DYNC1H1: variants seen among roughly 807,000 people sequenced by gnomAD.
DYNC1H1 encodes cytoplasmic dynein 1 heavy chain 1.
A neutral mutation model predicts 527.1 loss-of-function variants in DYNC1H1; 51 were observed. The observed-to-expected ratio is 0.10, with a 90% CI of 0.08 to 0.12. DYNC1H1 has a LOEUF of 0.12. DYNC1H1 is among the 10% of genes least tolerant of loss of function. The pLI, the probability that DYNC1H1 is intolerant of heterozygous loss-of-function variation, is 1.00. For synonymous variants in DYNC1H1, 2,189 were observed against 2,278.8 expected (o/e 0.96, Z 1.12); for missense variants, 2,771 against 5,971.8 (o/e 0.46, Z 17.66).
intron 51 of DYNC1H1, 60 bp downstream of exon 51, chr14:102,030,342 G>A: frequency 6.2e-7 from 1 of 1,612,822 alleles, no homozygotes; most frequent in Non-Finnish European, 8.5e-7. Context: ...CAACATTACT[G>A]TGGAGTTCAG....
chr14:102,014,876 C>A (rs1252134460), intron 34 of DYNC1H1, among the ~76,000 whole-genome samples: 2 of 152,074 alleles, frequency 1.3e-5, no homozygotes, highest in Non-Finnish European at 2.9e-5. Flanking sequence ...AGTGCAGTGG[C>A]ATGATCTCAG....
rs2048132681 is a variant in DYNC1H1, at chr14:102,001,712, AC to A, written c.4542+33del. 1 of 1,613,212 alleles carries A rather than the reference AC, an allele frequency of 6.2e-7. No individual in the cohort carries two copies. Among genetic ancestry groups the A allele is most frequent in the Non-Finnish European group, 8.5e-7 (1 of 1,179,960 alleles). On this transcript the variant is annotated intron_variant, in intron 21 of 77. Transcript: ENST00000360184. The surrounding 1 kb of genome is among the most constrained non-coding windows in gnomAD (Gnocchi z 5.0). ...GTTGCTGGGGAAGCTTTCCCTCCCC[AC>A]CAGTGGTCTCCCACGCTTTCACTGT...
chr14:101,997,360 T>C lies in DYNC1H1; in HGVS notation c.3804+86T>C. 1 of 1,601,948 alleles carries C rather than the reference T, an allele frequency of 6.2e-7. No homozygotes were observed. Among genetic ancestry groups the C allele is most frequent in the Non-Finnish European group, 8.5e-7 (1 of 1,174,976 alleles). ...TTCTTTCAAGCCTAAAAGGCCTTGC[T>C]GTGACTGAGCTTTCTAGTATTGAAG... On this transcript the variant is annotated intron_variant, in intron 16 of 77. Transcript: ENST00000360184. This position sits in a 1 kb window ranked among gnomAD's most constrained non-coding sequence, Gnocchi z 4.8.
rs2048853922 is a variant in DYNC1H1, at chr14:102,054,361, A to G, written c.*3798A>G. The G allele has an allele frequency of 6.6e-6, 1 of 152,124 alleles. No individual in the cohort carries two copies. Among genetic ancestry groups the G allele is most frequent in the African/African-American group, 2.4e-5 (1 of 41,412 alleles). 9.4% of individuals were successfully genotyped at this position (152,124 alleles called of 1,614,324 possible). ...CTGAAGGGCGTTCTGGGGAGCCTCC[A>G]CCTTCACACCGAAGGCCGCCAAGGT... is the stretch of plus-strand genomic sequence containing the variant. On this transcript the variant is annotated 3_prime_UTR_variant, in exon 78 of 78. Coordinates refer to ENST00000360184, the MANE Select transcript of DYNC1H1 (RefSeq NM_001376.5).
At chr14:102,014,989 T>C in intron 34 of DYNC1H1, 116 bp from the exon 35 acceptor site, 1 of 1,212,688 alleles carries the variant, frequency 8.2e-7, no homozygotes, top group Admixed American at 2.0e-5. Flanking sequence ...CTACTTTCTG[T>C]ATAGGAAAAT....
At position 102,029,562 on chromosome 14, in the gene DYNC1H1, A is replaced by C. The variant is rs752685919; in HGVS notation, c.9492A>C (p.Arg3164=). Residue 3164 remains arginine (R), a synonymous_variant, in exon 49 of 78, where the codon CGA becomes CGC. Coordinates refer to ENST00000360184, the MANE Select transcript of DYNC1H1 (RefSeq NM_001376.5). The surrounding 1 kb of genome is among the most constrained non-coding windows in gnomAD (Gnocchi z 5.3). The part of the protein sequence containing the change: ...LHQANARLAK[R]GGRTMAITPR... ...AGGCGAATGCTCGGCTAGCAAAGCG[A>C]GGCGGCAGAACGATGGCCATCACCC... 6.2e-7 allele frequency: 1 copy of C among 1,614,230 alleles called. No homozygotes were observed. The highest frequency in any genetic ancestry group is 2.2e-5 in the East Asian group (1 of 44,884).
intron 16 of DYNC1H1, 124 bp from the exon 17 acceptor site, chr14:101,999,865 A>C: frequency 7.6e-7 from 1 of 1,320,994 alleles, no homozygotes; most frequent in South Asian, 1.2e-5. Flanking sequence ...TTCCTTATGA[A>C]GATGTGTGCA....
In DYNC1H1 at chr14:102,018,673, T is replaced by C; in HGVS notation, c.8343+57T>C. On this transcript the variant is annotated intron_variant, in intron 41 of 77. Coordinates refer to ENST00000360184, the MANE Select transcript of DYNC1H1 (RefSeq NM_001376.5). This position sits in a 1 kb window ranked among gnomAD's most constrained non-coding sequence, Gnocchi z 5.2. ...TGTTTTCCTCTCATAATTAAGGCAC[T>C]CGATTGGTCAGGTGTGGTGGTTCAC... 1 of 1,595,584 alleles carries C rather than the reference T, an allele frequency of 6.3e-7. No homozygotes were observed. The highest frequency in any genetic ancestry group is 1.3e-5 in the African/African-American group (1 of 74,804).
Position 102,038,007 on chromosome 14 carries a change from GT to G in DYNC1H1, c.10909-449del, listed in dbSNP as rs1248805136. 3 of 313,040 alleles carry G rather than the reference GT, an allele frequency of 9.6e-6. No homozygotes were observed. The highest frequency in any genetic ancestry group is 6.2e-6 in the Non-Finnish European group (1 of 161,894). 19.4% of individuals were successfully genotyped at this position (313,040 alleles called of 1,614,324 possible). ...CATGGCTAGTGTGACTAGGAACTGA[GT>G]TTTAATTTTTTATTTTATGTTTTTT... is the stretch of plus-strand genomic sequence containing the variant. On this transcript the variant is annotated intron_variant, in intron 57 of 77. Coordinates refer to ENST00000360184, the MANE Select transcript of DYNC1H1 (RefSeq NM_001376.5). The surrounding 1 kb of genome is among the most constrained non-coding windows in gnomAD (Gnocchi z 7.2).
chr14:102,024,266 G>A (rs1267863424), intron 43 of DYNC1H1, among the ~76,000 whole-genome samples: 1 of 152,232 alleles, frequency 6.6e-6, no homozygotes, highest in East Asian at 1.9e-4. Context: ...GCTGTGAGTT[G>A]TCCTTTTTCT....
rs368250311 is a variant in DYNC1H1, at chr14:101,991,516, T to C, written c.2869-11T>C. 19 of 1,614,184 alleles carry C rather than the reference T, an allele frequency of 1.2e-5. No individual in the cohort carries two copies. The highest frequency in any genetic ancestry group is 1.6e-5 in the Non-Finnish European group (19 of 1,180,032). On this transcript the variant is annotated splice_polypyrimidine_tract_variant and intron_variant, in intron 10 of 77. Coordinates refer to ENST00000360184, the MANE Select transcript of DYNC1H1 (RefSeq NM_001376.5). ...AGATTGCTGAGTAGAAATGAAACCT[T>C]TCTTTCACAGAATGTCGTTCATGAG...
intron 44 of DYNC1H1, 138 bp downstream of exon 44, chr14:102,026,845 CTTCT>C (rs1444202981): frequency 2.9e-5 from 38 of 1,315,362 alleles, no homozygotes; most frequent in Admixed American, 4.0e-5. Flanking sequence ...TCCCCCTTCT[CTTCT>C]TTCTAAGTCC....
intron 72 of DYNC1H1, among the ~76,000 whole-genome samples, chr14:102,045,665 A>G (rs2048708790): frequency 6.6e-6 from 1 of 152,030 alleles, no homozygotes; most frequent in Non-Finnish European, 1.5e-5. Flanking sequence ...GTTGAAAAGT[A>G]CCTGATATTA....
At chr14:102,048,368 C>G (rs1437488037) in intron 73 of DYNC1H1, 148 bp from the exon 74 acceptor site, 3 of 1,136,062 alleles carry the variant, frequency 2.6e-6, no homozygotes, top group African/African-American at 3.1e-5. Flanking sequence ...AGCTCGGTTC[C>G]AAGTCACGCT....
chr14:102,043,253 C>T, intron 69 of DYNC1H1: 1 of 199,200 alleles, frequency 5.0e-6, no homozygotes, highest in South Asian at 8.2e-5. Flanking sequence ...CACTGCACTC[C>T]AGCCTGGGCG....
At position 102,044,897 on chromosome 14, in the gene DYNC1H1, G is replaced by A. The variant is rs1049207836; in HGVS notation, c.13006+199G>A. On this transcript the variant is annotated intron_variant, in intron 72 of 77. Coordinates refer to ENST00000360184, the MANE Select transcript of DYNC1H1 (RefSeq NM_001376.5). The surrounding 1 kb of genome is among the most constrained non-coding windows in gnomAD (Gnocchi z 7.1). Reference sequence around the variant, plus strand: ...GCTCCTAGCTCCACTCCGAGGGGAGGCAGAGGAAAGAACTGGCTCTTCTCT... The same window carrying A: ...GCTCCTAGCTCCACTCCGAGGGGAGACAGAGGAAAGAACTGGCTCTTCTCT... 8 of 627,758 alleles carry A rather than the reference G, an allele frequency of 1.3e-5. No homozygotes were observed. In the Admixed American group the frequency reaches 1.9e-4, roughly 15 times the overall value. 38.9% of individuals were successfully genotyped at this position (627,758 alleles called of 1,614,324 possible).
intron 34 of DYNC1H1, among the ~76,000 whole-genome samples, chr14:102,013,293 T>C (rs1016629046): frequency 6.7e-6 from 1 of 149,824 alleles, no homozygotes; most frequent in Admixed American, 6.7e-5. Flanking sequence ...CAAAAGCCCT[T>C]GCTCACGTGT....
rs538494719 is a variant in DYNC1H1, at chr14:102,048,323, C to G, written c.13219-193C>G. The G allele has an allele frequency of 5.8e-4, 476 of 816,998 alleles. 8 individuals are homozygous for G. The African/African-American group carries it at 7.3e-3, about 13-fold the overall frequency. The allele number at this position is 816,998 out of a possible 1,614,324, so 50.6% of individuals were successfully genotyped here. On this transcript the variant is annotated intron_variant, in intron 73 of 77. Transcript: ENST00000360184. ...CGAGAGCTGCGACTCGGGCAGGGGC[C>G]TCAGCGGGTTTCTGAGCAGCCTCAG...
chr14:101,985,657 A>T lies in DYNC1H1; in HGVS notation c.1462-30A>T. The stretch of plus-strand genomic sequence containing the variant: ...ATTTTAAAGCCTTCGTTTGGTCAGC[A>T]TTTCTTGATTACATATCTTTCTCCT... On this transcript the variant is annotated intron_variant, in intron 7 of 77. Coordinates refer to ENST00000360184, the MANE Select transcript of DYNC1H1 (RefSeq NM_001376.5). The surrounding 1 kb of genome is among the most constrained non-coding windows in gnomAD (Gnocchi z 5.9). 2 of 1,612,952 alleles carry T rather than the reference A, an allele frequency of 1.2e-6. No homozygotes were observed. Among genetic ancestry groups the T allele is most frequent in the South Asian group, 2.2e-5 (2 of 91,070 alleles).
Sources: gnomAD v4.1 joint callset for allele counts (sites outside exome capture counted in the v4.1 genomes callset) on GRCh38, gnomAD v4.1.1 for gene constraint, Gnocchi (gnomAD v3.1) non-coding constraint, MANE v1.5 for transcripts, NCBI Gene and HGNC (gene_info 2026-07-23, HGNC 2026-07-21) for gene names.